The following HERC1 variants were observed in gnomAD, a reference collection of about 807,000 sequenced individuals.
The protein encoded by HERC1 is HECT and RLD domain containing E3 ubiquitin protein ligase family member 1.
In HERC1, 160 loss-of-function variants were observed where a neutral mutation model predicts 554.3. The ratio of observed to expected loss-of-function variants is 0.29; its 90% CI spans 0.25 to 0.33. The LOEUF is 0.33. HERC1 is among the 10% of genes least tolerant of loss of function. HERC1 has a pLI of 1.00. For synonymous variants in HERC1, 2,175 were observed against 2,131.7 expected, an observed-to-expected ratio of 1.02 and a Z score of -0.56; for missense variants, 4,919 against 5,918.5, an observed-to-expected ratio of 0.83 and a Z score of 5.54.
chr15:63,737,287 G>A (rs925896229), intron 12 of HERC1, among the ~76,000 whole-genome samples: 4 of 149,084 alleles, frequency 2.7e-5, no homozygotes, highest in African/African-American at 7.4e-5. Context: ...CAATAATAAG[G>A]AGTTCCAGAG....
intron 74 of HERC1, among the ~76,000 whole-genome samples, chr15:63,622,122 A>G (rs1212292467): frequency 6.6e-6 from 1 of 152,178 alleles, no homozygotes. Flanking sequence ...ATAGTATGTA[A>G]TTGCAAATAC....
At chr15:63,778,611 C>T (rs1343698031) in intron 1 of HERC1, among the ~76,000 whole-genome samples, 1 of 152,100 alleles carries the variant, frequency 6.6e-6, no homozygotes, top group African/African-American at 2.4e-5. Context: ...CAGAACAACC[C>T]TTTCCTCAAG....
At chr15:63,757,401 T>C (rs2075460300) in intron 4 of HERC1, among the ~76,000 whole-genome samples, 2 of 151,724 alleles carry the variant, frequency 1.3e-5, no homozygotes, top group South Asian at 2.1e-4. Flanking sequence ...TACATGAGAT[T>C]ATAGGCACGC....
At chr15:63,709,287 G>A (rs1432587226) in intron 24 of HERC1, among the ~76,000 whole-genome samples, 1 of 152,106 alleles carries the variant, frequency 6.6e-6, no homozygotes, top group Non-Finnish European at 1.5e-5. Context: ...TGGGGTTACA[G>A]GCATGAGCCA....
intron 12 of HERC1, among the ~76,000 whole-genome samples, chr15:63,736,571 G>A (rs1035646700): frequency 6.6e-6 from 1 of 151,248 alleles, no homozygotes; most frequent in Middle Eastern, 3.5e-3. Context: ...TCTCTGTGTA[G>A]AGAACTTTTA....
intron 62 of HERC1, 48 bp downstream of exon 62, chr15:63,638,663 A>G: frequency 6.3e-7 from 1 of 1,592,594 alleles, no homozygotes; most frequent in Non-Finnish European, 8.6e-7. Context: ...ATTTAGAATC[A>G]AAACATTGAC....
At chr15:63,668,526 C>T (rs2070751978) in intron 40 of HERC1, among the ~76,000 whole-genome samples, 1 of 152,100 alleles carries the variant, frequency 6.6e-6, no homozygotes, top group Non-Finnish European at 1.5e-5. Context: ...CTAACTACTA[C>T]AACATGCTGC....
At chr15:63,768,131 G>A (rs913631876) in intron 2 of HERC1, among the ~76,000 whole-genome samples, 9 of 152,134 alleles carry the variant, frequency 5.9e-5, no homozygotes, top group Admixed American at 3.3e-4. Context: ...ATTGCTCATC[G>A]TCTTCAGATC....
At chr15:63,711,852 T>A (rs999893212) in intron 24 of HERC1, among the ~76,000 whole-genome samples, 1 of 152,082 alleles carries the variant, frequency 6.6e-6, no homozygotes, top group African/African-American at 2.4e-5. Flanking sequence ...AGTAAGACAC[T>A]AAAGCCCAGG....
intron 12 of HERC1, among the ~76,000 whole-genome samples, chr15:63,740,562 T>G (rs997450798): frequency 6.6e-6 from 1 of 152,238 alleles, no homozygotes; most frequent in Non-Finnish European, 1.5e-5. Context: ...AGGTTCTAAT[T>G]TCTCCACCTC....
chr15:63,657,787 T>C (rs944211739), intron 48 of HERC1, among the ~76,000 whole-genome samples: 4 of 152,198 alleles, frequency 2.6e-5, no homozygotes, highest in African/African-American at 9.6e-5. Flanking sequence ...TAATAGCCAC[T>C]TTATAACTAT....
chr15:63,743,257 C>CTT (rs2074894233), intron 12 of HERC1, among the ~76,000 whole-genome samples: 19 of 89,326 alleles, frequency 2.1e-4, no homozygotes, highest in Admixed American at 4.0e-4. Flanking sequence ...TTCTTTTTTT[C>CTT]TTTTTCTTTT....
At chr15:63,676,830 G>A (rs1331680072) in intron 37 of HERC1, among the ~76,000 whole-genome samples, 1 of 152,118 alleles carries the variant, frequency 6.6e-6, no homozygotes, top group Non-Finnish European at 1.5e-5. Context: ...TAACTTTACA[G>A]GAATCACAAT....
At chr15:63,653,193 C>A (rs2069799419) in intron 51 of HERC1, among the ~76,000 whole-genome samples, 1 of 152,132 alleles carries the variant, frequency 6.6e-6, no homozygotes. Context: ...GTAATCCCAG[C>A]ACTGTGGGAG....
At chr15:63,648,224 A>C (rs772886059) in intron 54 of HERC1, 25 bp from the exon 55 acceptor site, 2 of 1,582,042 alleles carry the variant, frequency 1.3e-6, no homozygotes, top group Non-Finnish European at 8.6e-7. Flanking sequence ...ACAAAAGAGT[A>C]AGGAAAAGAT....
Position 63,680,122 on chromosome 15 carries a change from C to T in HERC1, c.6504G>A (p.Glu2168=). 1.2e-6 allele frequency: 2 copies of T among 1,613,470 alleles called. No homozygotes were observed. Among genetic ancestry groups the T allele is most frequent in the Non-Finnish European group, 1.7e-6 (2 of 1,179,570 alleles). The change falls in exon 36 of 78, where the codon GAG becomes GAA. Residue 2168 remains glutamate (E), a synonymous_variant. Coordinates refer to ENST00000443617, the MANE Select transcript of HERC1 (RefSeq NM_003922.4). The surrounding 1 kb of genome is among the most constrained non-coding windows in gnomAD (Gnocchi z 5.8). ...KLAFEDVDAA[E]LYPCVMFYSS... ...TATAGAACATCACACATGGGTACAA[C>T]TCTGCTGCATCCACATCTTCAAAAG...
At chr15:63,690,810 A>G (rs1297815112) in intron 31 of HERC1, among the ~76,000 whole-genome samples, 163 bp from the exon 32 acceptor site, 1 of 152,222 alleles carries the variant, frequency 6.6e-6, no homozygotes, top group African/African-American at 2.4e-5. Flanking sequence ...TGTACCCATG[A>G]ATGCGTATGA....
chr15:63,764,135 C>G lies in HERC1; in HGVS notation c.987G>C (p.Leu329Phe). The G allele has an allele frequency of 1.2e-6, 2 of 1,611,064 alleles. No homozygotes were observed. The highest frequency in any genetic ancestry group is 1.7e-6 in the Non-Finnish European group (2 of 1,178,690). Reference protein sequence around the residue: ...WREPTRTSDGLCSLYEAALCL... With the variant: ...WREPTRTSDGFCSLYEAALCL... ...ATAATGCTGCCTCGTAAAGGGAGCA[C>G]AAGCCATCCGATGTTCTGGTTGGTT... The change falls in exon 3 of 78, where the codon TTG becomes TTC. Residue 329 changes from leucine to phenylalanine, a missense_variant. Physicochemically the swap from Leu to Phe is conservative, Grantham distance 22. Around this residue, in one of 11 missense-constraint regions of HERC1, gnomAD observed 744 missense variants for 1,090.0 expected, o/e 0.68. Transcript: ENST00000443617.
chr15:63,769,880 T>C (rs999120430), intron 2 of HERC1, among the ~76,000 whole-genome samples: 12 of 152,090 alleles, frequency 7.9e-5, no homozygotes, highest in African/African-American at 2.9e-4. Context: ...AAATAAATGT[T>C]TTTGTTTCAC....
Sources: gnomAD v4.1 joint callset for allele counts (sites outside exome capture counted in the v4.1 genomes callset) on GRCh38, gnomAD v4.1.1 for gene constraint, gnomAD v4.1.1 regional missense constraint, Gnocchi (gnomAD v3.1) non-coding constraint, MANE v1.5 for transcripts, NCBI Gene and HGNC (gene_info 2026-07-23, HGNC 2026-07-21) for gene names.